The following SAE1 variants were observed in gnomAD, a reference collection of about 807,000 sequenced individuals.
The protein encoded by SAE1 is SUMO-activating enzyme subunit 1.
Under a neutral mutation model 40.6 loss-of-function variants are expected in SAE1, and 11 were observed. The observed-to-expected ratio is 0.27, with a 90% CI of 0.17 to 0.45. The LOEUF is 0.45. Among genes scored for constraint, SAE1 ranks in the 20% least tolerant of loss-of-function variants. The pLI, the probability that SAE1 is intolerant of heterozygous loss-of-function variation, is 1.00. For synonymous variants in SAE1, 155 were observed against 154.3 expected (o/e 1.00, Z -0.03); for missense variants, 373 against 427.3 (o/e 0.87, Z 1.12).
At chr19:47,135,911 C>G (rs552109666) in intron 1 of SAE1, among the ~76,000 whole-genome samples, 1 of 152,026 alleles carries the variant, frequency 6.6e-6, no homozygotes, top group African/African-American at 2.4e-5. Context: ...TCACGCCATT[C>G]TCCTGCCTCA....
chr19:47,142,384 TA>T (rs371221556), intron 1 of SAE1: 56,717 of 140,376 alleles, frequency 0.4, 11,557 homozygotes, highest in Non-Finnish European at 0.49. Context: ...ACTCTGTCTT[TA>T]AAAAAAAAAA....
At chr19:47,176,010 C>G (rs2058466497) in intron 6 of SAE1, among the ~76,000 whole-genome samples, 1 of 152,292 alleles carries the variant, frequency 6.6e-6, no homozygotes, top group South Asian at 2.1e-4. Flanking sequence ...AAACCCTTCC[C>G]ATTTTTTTGT....
intron 5 of SAE1, among the ~76,000 whole-genome samples, chr19:47,161,581 T>G (rs560863629): frequency 5.0e-4 from 76 of 152,316 alleles, no homozygotes; most frequent in African/African-American, 1.8e-3. Flanking sequence ...TTTTATCACG[T>G]GTTTATAAAT....
intron 6 of SAE1, among the ~76,000 whole-genome samples, chr19:47,183,799 G>C (rs1644958028): frequency 6.6e-6 from 1 of 152,204 alleles, no homozygotes; most frequent in South Asian, 2.1e-4. Flanking sequence ...GGTTGGCAGA[G>C]AGCAGCAGAT....
chr19:47,131,027 C>T lies in SAE1; in HGVS notation c.97C>T (p.Arg33Trp). 2 of 1,535,420 alleles carry T rather than the reference C, an allele frequency of 1.3e-6. No homozygotes were observed. Among genetic ancestry groups the T allele is most frequent in the Non-Finnish European group, 1.8e-6 (2 of 1,140,136 alleles). The change falls in exon 1 of 9, where the codon CGG becomes TGG. Residue 33 changes from arginine (R) to tryptophan (W), a missense_variant and splice_region_variant. Coordinates refer to ENST00000270225, the MANE Select transcript of SAE1 (RefSeq NM_005500.3). ...CCTGTGGGGACTGGAGGCCCAGAAA[C>T]GGTCAGGGCCGGCGCGGCTTGAGGC... ...IRLWGLEAQKRLRASRVLLVG... is the reference protein window; with the variant it reads ...IRLWGLEAQKWLRASRVLLVG...
At chr19:47,182,806 G>A (rs185691055) in intron 6 of SAE1, among the ~76,000 whole-genome samples, 1 of 152,256 alleles carries the variant, frequency 6.6e-6, no homozygotes, top group African/African-American at 2.4e-5. Flanking sequence ...TTACAGGCGG[G>A]GTGTGGTGGC....
chr19:47,164,082 A>G (rs2058374950), intron 5 of SAE1, among the ~76,000 whole-genome samples: 1 of 152,024 alleles, frequency 6.6e-6, no homozygotes, highest in African/African-American at 2.4e-5. Flanking sequence ...ATATGTGTAT[A>G]TATATGTACA....
intron 4 of SAE1, 61 bp downstream of exon 4, chr19:47,153,101 TAAATTATGTA>T: frequency 7.4e-7 from 1 of 1,344,860 alleles, no homozygotes; most frequent in Non-Finnish European, 1.0e-6. Flanking sequence ...TTTTTTTTTT[TAAATTATGTA>T]TTTATTTATG....
chr19:47,178,934 C>G (rs1186397578), intron 6 of SAE1, among the ~76,000 whole-genome samples: 1 of 152,122 alleles, frequency 6.6e-6, no homozygotes, highest in African/African-American at 2.4e-5. Context: ...TGGCTTATGC[C>G]TGTAATCCCA....
rs1194936018 is a variant in SAE1, at chr19:47,209,533, C to T, written c.*282C>T. On this transcript the variant is annotated 3_prime_UTR_variant, in exon 9 of 9. Transcript: ENST00000270225. ...CTGAGTGATGAGCACTTCCAAGCAC[C>T]CCTCTGCCCTTTCTCTGTCCTTATG... 1.8e-6 allele frequency: 1 copy of T among 546,726 alleles called. No homozygotes were observed. The highest frequency in any genetic ancestry group is 3.2e-6 in the Non-Finnish European group (1 of 308,332). 33.9% of individuals were successfully genotyped at this position (546,726 alleles called of 1,614,324 possible). A position where few individuals can be genotyped will look rare whatever the true frequency, so the allele number is the denominator to read the frequency against.
intron 7 of SAE1, among the ~76,000 whole-genome samples, chr19:47,199,717 G>T (rs933060757): frequency 1.3e-5 from 2 of 152,098 alleles, no homozygotes; most frequent in Admixed American, 1.3e-4. Flanking sequence ...TGGGATTATT[G>T]GAACTGAAGC....
At chr19:47,150,400 C>A (rs752333709) in intron 3 of SAE1, 25 bp downstream of exon 3, 7 of 1,572,980 alleles carry the variant, frequency 4.5e-6, no homozygotes, top group Non-Finnish European at 6.1e-6. Flanking sequence ...ATAAAATCTG[C>A]TGTGGGAATT....
intron 1 of SAE1, among the ~76,000 whole-genome samples, chr19:47,141,353 G>A (rs2058220773): frequency 6.6e-6 from 1 of 151,964 alleles, no homozygotes; most frequent in Non-Finnish European, 1.5e-5. Flanking sequence ...TGTTGGACAG[G>A]CTGGTCTCGA....
chr19:47,143,638 C>T, intron 2 of SAE1, 33 bp downstream of exon 2: 1 of 1,486,906 alleles, frequency 6.7e-7, no homozygotes, highest in Non-Finnish European at 9.4e-7. Context: ...CTCCCCTGCT[C>T]TGGCTCCCCT....
intron 6 of SAE1, among the ~76,000 whole-genome samples, chr19:47,192,204 G>A (rs1011190289): frequency 1.1e-4 from 17 of 152,122 alleles, no homozygotes; most frequent in African/African-American, 3.6e-4. Context: ...AACCTGGTGA[G>A]CGGGTAATTA....
intron 1 of SAE1, among the ~76,000 whole-genome samples, chr19:47,133,378 A>G (rs960250305): frequency 2.0e-5 from 3 of 152,194 alleles, no homozygotes; most frequent in South Asian, 2.1e-4. Flanking sequence ...GGCATGTGCC[A>G]CAACACCCGG....
chr19:47,131,509 A>G (rs535531592), intron 1 of SAE1, among the ~76,000 whole-genome samples: 1 of 152,046 alleles, frequency 6.6e-6, no homozygotes, highest in East Asian at 2.0e-4. Flanking sequence ...CGGGCGGGCC[A>G]GTCTGAGAGA....
Position 47,197,390 on chromosome 19 carries a change from A to G in SAE1, c.878+13A>G, listed in dbSNP as rs1466619005. ...AGGACTTTGTCAGGTTGGTGTCAGT[A>G]TTTATCACTGTTTAGTCTGGACAGA... is the stretch of plus-strand genomic sequence containing the variant. On this transcript the variant is annotated intron_variant, in intron 7 of 8. Coordinates refer to ENST00000270225, the MANE Select transcript of SAE1 (RefSeq NM_005500.3). The G allele has an allele frequency of 1.2e-6, 2 of 1,609,742 alleles. No individual in the cohort carries two copies. Among genetic ancestry groups the G allele is most frequent in the African/African-American group, 1.3e-5 (1 of 74,674 alleles).
rs536877847 is a variant in SAE1, at chr19:47,158,867, A to AT, written c.627+3657dup. Among the ~76,000 whole-genome samples the AT allele has an allele frequency of 5.2e-3, 799 of 152,324 alleles. 7 individuals carry two copies. Among genetic ancestry groups the AT allele is most frequent in the African/African-American group, 0.018 (755 of 41,578 alleles). ...GGTAAGGGCATAGGCTCACCCTATGATTTACAAAGAGGGATACCCCTGAAG... is the reference window on the plus strand; with the variant it reads ...GGTAAGGGCATAGGCTCACCCTATGATTTTACAAAGAGGGATACCCCTGAAG... On this transcript the variant is annotated intron_variant, in intron 5 of 8. Transcript: ENST00000270225.
Sources: allele counts gnomAD v4.1 joint callset (sites outside exome capture counted in the v4.1 genomes callset), GRCh38; gene constraint gnomAD v4.1.1; transcripts MANE v1.5; gene names NCBI Gene and HGNC (gene_info 2026-07-23, HGNC 2026-07-21).